OCA2: variants seen among roughly 807,000 people sequenced by gnomAD.
OCA2 encodes OCA2 melanosomal transmembrane protein, also known as P protein.
A neutral mutation model predicts 100.2 loss-of-function variants in OCA2; 77 were observed. The observed-to-expected ratio is 0.77, with a 90% CI of 0.64 to 0.93. OCA2 has a LOEUF of 0.93. OCA2 is among the 40% of genes least tolerant of loss of function. The pLI is 0.00. For missense variants in OCA2, 1,062 were observed against 1,089.1 expected, an observed-to-expected ratio of 0.98 and a Z score of 0.35; for synonymous variants, 432 against 439.2, an observed-to-expected ratio of 0.98 and a Z score of 0.21.
intron 19 of OCA2, among the ~76,000 whole-genome samples, chr15:27,894,604 T>C (rs1248044022): frequency 6.6e-6 from 1 of 152,170 alleles, no homozygotes; most frequent in Non-Finnish European, 1.5e-5. Flanking sequence ...ATTGTATATA[T>C]CTGCTAAGCA....
At chr15:28,078,699 C>G (rs2044515034) in intron 2 of OCA2, among the ~76,000 whole-genome samples, 1 of 152,134 alleles carries the variant, frequency 6.6e-6, no homozygotes, top group African/African-American at 2.4e-5. Context: ...CTGTGAAGAC[C>G]CTGAGCAGAG....
intron 2 of OCA2, among the ~76,000 whole-genome samples, chr15:28,064,790 A>G (rs998452412): frequency 2.0e-5 from 3 of 150,000 alleles, no homozygotes; most frequent in African/African-American, 7.3e-5. Flanking sequence ...GGGCTTCCTC[A>G]AGGATGGAAA....
At chr15:27,894,450 T>C (rs1251653892) in intron 19 of OCA2, among the ~76,000 whole-genome samples, 1 of 152,228 alleles carries the variant, frequency 6.6e-6, no homozygotes, top group Non-Finnish European at 1.5e-5. Flanking sequence ...TACTGGAACC[T>C]GCTTAGCAGA....
the OCA2 span, among the ~76,000 whole-genome samples, chr15:27,725,671 C>T: frequency 3.9e-5 from 6 of 152,174 alleles, 1 homozygote; most frequent in South Asian, 1.2e-3. Flanking sequence ...CTTTAAAGGC[C>T]CTTACTTTTC....
intron 23 of OCA2, among the ~76,000 whole-genome samples, chr15:27,819,848 C>T (rs1245401331): frequency 6.6e-6 from 1 of 152,228 alleles, no homozygotes; most frequent in South Asian, 2.1e-4. Context: ...GCTTATAATA[C>T]CAGTCTCCAG....
chr15:28,013,225 T>C (rs2141215326), intron 9 of OCA2, among the ~76,000 whole-genome samples: 1 of 152,258 alleles, frequency 6.6e-6, no homozygotes, highest in African/African-American at 2.4e-5. Flanking sequence ...GGAAATAGGA[T>C]AGAGCAGCTA....
At position 27,995,675 on chromosome 15, in the gene OCA2, C is replaced by A. The variant is rs186260380; in HGVS notation, c.1045-5028G>T. 1.4e-4 allele frequency among the ~76,000 whole-genome samples: 22 copies of A among 152,078 alleles called. No individual in the cohort carries two copies. The East Asian group carries it at 3.1e-3, about 21-fold the overall frequency. On this transcript the variant is annotated intron_variant, in intron 9 of 23. Coordinates refer to ENST00000354638, the MANE Select transcript of OCA2 (RefSeq NM_000275.3). ...AAAGCACTAAGATTATAAGCATGAG[C>A]CACCATGCTTGAACTTAACAAATTT...
At chr15:27,803,910 T>C (rs893238003) in intron 23 of OCA2, among the ~76,000 whole-genome samples, 12 of 152,122 alleles carry the variant, frequency 7.9e-5, no homozygotes, top group African/African-American at 2.4e-4. Flanking sequence ...TGGGAAACAG[T>C]TGGGCAATTT....
At chr15:28,046,924 T>A (rs1017921206) in intron 2 of OCA2, among the ~76,000 whole-genome samples, 2 of 152,184 alleles carry the variant, frequency 1.3e-5, no homozygotes, top group Non-Finnish European at 2.9e-5. Flanking sequence ...TGCTCAAGAT[T>A]TCCCTCTTGT....
intron 14 of OCA2, among the ~76,000 whole-genome samples, chr15:27,973,789 G>A (rs1245532847): frequency 6.6e-6 from 1 of 152,134 alleles, no homozygotes; most frequent in Non-Finnish European, 1.5e-5. Flanking sequence ...TGGTCATTTT[G>A]TGATACTGAC....
the OCA2 span, among the ~76,000 whole-genome samples, chr15:27,729,245 C>T: frequency 6.6e-6 from 1 of 151,430 alleles, no homozygotes; most frequent in Admixed American, 6.6e-5. Context: ...CTATTGTATC[C>T]CTCACTTTCT....
chr15:28,055,041 G>T (rs1460375872), intron 2 of OCA2, among the ~76,000 whole-genome samples: 1 of 152,184 alleles, frequency 6.6e-6, no homozygotes, highest in Admixed American at 6.5e-5. Flanking sequence ...TGACATGTGG[G>T]GATTATTACA....
chr15:27,789,950 T>G (rs2033002725), intron 23 of OCA2, among the ~76,000 whole-genome samples: 1 of 152,142 alleles, frequency 6.6e-6, no homozygotes, highest in Non-Finnish European at 1.5e-5. Flanking sequence ...TCAACTGAAC[T>G]TTATCAGAGC....
At chr15:27,951,667 T>G in intron 18 of OCA2, 117 bp downstream of exon 18, 1 of 775,296 alleles carries the variant, frequency 1.3e-6, no homozygotes, top group Non-Finnish European at 2.3e-6. Flanking sequence ...CTCAGCCCTC[T>G]CTGGCCTTCC....
intron 14 of OCA2, 44 bp from the exon 15 acceptor site, chr15:27,966,866 T>C (rs1360897960): frequency 1.3e-6 from 2 of 1,576,602 alleles, no homozygotes; most frequent in African/African-American, 1.3e-5. Context: ...CCAGGCATGG[T>C]GGCTCACGCC....
intron 23 of OCA2, among the ~76,000 whole-genome samples, chr15:27,825,625 G>A (rs977747934): frequency 2.6e-5 from 4 of 152,196 alleles, no homozygotes; most frequent in Admixed American, 1.3e-4. Flanking sequence ...TGAGAAGTTC[G>A]CACAGGACAG....
chr15:27,846,127 G>GA (rs555900679), intron 22 of OCA2, among the ~76,000 whole-genome samples: 177 of 152,164 alleles, frequency 1.2e-3, no homozygotes, highest in African/African-American at 4.2e-3. Flanking sequence ...GAAAGGCCTG[G>GA]AGCAGCTGCG....
intron 19 of OCA2, among the ~76,000 whole-genome samples, chr15:27,903,148 G>A (rs2038025489): frequency 6.6e-6 from 1 of 152,238 alleles, no homozygotes; most frequent in Non-Finnish European, 1.5e-5. Flanking sequence ...CTGCTGTGAG[G>A]CTGGAGACAG....
downstream of OCA2, among the ~76,000 whole-genome samples, chr15:27,753,653 C>T (rs905224749): frequency 1.1e-4 from 17 of 152,062 alleles, no homozygotes; most frequent in Non-Finnish European, 1.2e-4. Flanking sequence ...AGGAGAATGG[C>T]GTGAACCCGG....
Sources: gnomAD v4.1 joint callset for allele counts (sites outside exome capture counted in the v4.1 genomes callset) on GRCh38, gnomAD v4.1.1 for gene constraint, MANE v1.5 for transcripts, NCBI Gene and HGNC (gene_info 2026-07-23, HGNC 2026-07-21) for gene names.